Variants in ZBTB20 observed in about 807,000 individuals in gnomAD.
ZBTB20 encodes the protein zinc finger and BTB domain-containing protein 20.
A neutral mutation model predicts 56.9 loss-of-function variants in ZBTB20; 9 were observed. The observed-to-expected ratio is 0.16, with a 90% CI of 0.10 to 0.28. The LOEUF (loss-of-function observed/expected upper bound fraction) is 0.28. ZBTB20 is among the 10% of genes least tolerant of loss of function. ZBTB20 has a pLI of 1.00. For missense variants in ZBTB20, 655 were observed against 1,003.0 expected, an observed-to-expected ratio of 0.65 and a Z score of 4.69; for synonymous variants, 417 against 420.7, an observed-to-expected ratio of 0.99 and a Z score of 0.11.
At chr3:114,545,416 G>A (rs902877241) in intron 6 of ZBTB20, among the ~76,000 whole-genome samples, 1 of 152,060 alleles carries the variant, frequency 6.6e-6, no homozygotes, top group Non-Finnish European at 1.5e-5. Flanking sequence ...AAGGCATCAG[G>A]GTGCGAGGAT....
intron 4 of ZBTB20, among the ~76,000 whole-genome samples, chr3:114,857,258 C>T (rs1364377951): frequency 6.6e-6 from 1 of 152,162 alleles, no homozygotes; most frequent in African/African-American, 2.4e-5. Flanking sequence ...TCACCTTTCT[C>T]ATCTTTCCAA....
At chr3:114,480,654 T>C (rs1482289068) in intron 7 of ZBTB20, among the ~76,000 whole-genome samples, 3 of 152,212 alleles carry the variant, frequency 2.0e-5, no homozygotes, top group Non-Finnish European at 1.5e-5. Context: ...AAAGACCTTT[T>C]ACCTCAGTTG....
intron 5 of ZBTB20, among the ~76,000 whole-genome samples, chr3:114,734,252 C>G (rs896866540): frequency 6.6e-6 from 1 of 151,422 alleles, no homozygotes; most frequent in Non-Finnish European, 1.5e-5. Context: ...AAATGACATG[C>G]AAATTTAAAT....
intron 2 of ZBTB20, among the ~76,000 whole-genome samples, chr3:114,987,000 T>C (rs2078574480): frequency 6.6e-6 from 1 of 152,154 alleles, no homozygotes; most frequent in Non-Finnish European, 1.5e-5. Context: ...AGCTATAGTG[T>C]CAAAATATTT....
intron 6 of ZBTB20, among the ~76,000 whole-genome samples, chr3:114,599,023 T>C (rs1052902189): frequency 2.6e-5 from 4 of 152,124 alleles, no homozygotes; most frequent in African/African-American, 4.8e-5. Context: ...TATACCTTCT[T>C]AGACACCTTC....
At chr3:114,977,663 T>C (rs2078158696) in intron 2 of ZBTB20, among the ~76,000 whole-genome samples, 1 of 152,134 alleles carries the variant, frequency 6.6e-6, no homozygotes, top group African/African-American at 2.4e-5. Flanking sequence ...AAACTCAATA[T>C]AATATATAAA....
At chr3:115,123,352 T>C (rs2084236547) in intron 1 of ZBTB20, among the ~76,000 whole-genome samples, 1 of 152,192 alleles carries the variant, frequency 6.6e-6, no homozygotes, top group South Asian at 2.1e-4. Flanking sequence ...TTCTAATGTA[T>C]GAATTATTAC....
chr3:115,006,333 T>C (rs914708686), intron 2 of ZBTB20, among the ~76,000 whole-genome samples: 1 of 151,820 alleles, frequency 6.6e-6, no homozygotes, highest in Non-Finnish European at 1.5e-5. Flanking sequence ...TTTTATTTAC[T>C]ACCCTCATAT....
At chr3:114,988,865 T>C (rs1376694690) in intron 2 of ZBTB20, among the ~76,000 whole-genome samples, 5 of 152,248 alleles carry the variant, frequency 3.3e-5, no homozygotes, top group Non-Finnish European at 7.3e-5. Context: ...TGATGAGCAT[T>C]TTTTCATGTC....
At chr3:114,633,302 T>A (rs897874292) in intron 6 of ZBTB20, among the ~76,000 whole-genome samples, 1 of 152,114 alleles carries the variant, frequency 6.6e-6, no homozygotes. Flanking sequence ...AGTCCCCAAG[T>A]TTTTTCAACT....
At chr3:114,406,653 A>T (rs1483094978) in intron 7 of ZBTB20, among the ~76,000 whole-genome samples, 48 of 152,166 alleles carry the variant, frequency 3.2e-4, no homozygotes, top group Non-Finnish European at 2.9e-5. Flanking sequence ...ATATTCAAGA[A>T]TAAACATCCT....
chr3:114,933,965 A>G (rs147989824), intron 3 of ZBTB20, among the ~76,000 whole-genome samples: 1 of 152,200 alleles, frequency 6.6e-6, no homozygotes, highest in Non-Finnish European at 1.5e-5. Context: ...ATTGCACTGC[A>G]TTCAGAATCA....
intron 7 of ZBTB20, among the ~76,000 whole-genome samples, chr3:114,489,889 C>T (rs1428512001): frequency 6.6e-6 from 1 of 152,172 alleles, no homozygotes; most frequent in East Asian, 1.9e-4. Context: ...GCCACCACCT[C>T]TTTCTAAGCT....
intron 7 of ZBTB20, among the ~76,000 whole-genome samples, chr3:114,459,193 C>T (rs1286343795): frequency 6.6e-6 from 1 of 152,158 alleles, no homozygotes; most frequent in Non-Finnish European, 1.5e-5. Context: ...CTTTCAAGCA[C>T]CTTTTTTTCT....
At chr3:114,739,508 C>T (rs188598215) in intron 5 of ZBTB20, among the ~76,000 whole-genome samples, 1 of 152,302 alleles carries the variant, frequency 6.6e-6, no homozygotes, top group East Asian at 1.9e-4. Flanking sequence ...TGTGGTCAAC[C>T]TGTGCAAAAC....
At chr3:114,590,105 AT>A (rs1026245814) in intron 6 of ZBTB20, among the ~76,000 whole-genome samples, 1 of 152,150 alleles carries the variant, frequency 6.6e-6, no homozygotes, top group Admixed American at 6.6e-5. Flanking sequence ...TCTACTGCAT[AT>A]TTTTTTAACA....
At chr3:114,763,021 T>C (rs1388134689) in intron 5 of ZBTB20, among the ~76,000 whole-genome samples, 1 of 152,206 alleles carries the variant, frequency 6.6e-6, no homozygotes, top group African/African-American at 2.4e-5. Flanking sequence ...TAAACTTATA[T>C]ATTTTCACAT....
intron 7 of ZBTB20, among the ~76,000 whole-genome samples, chr3:114,434,997 G>T (rs2090418952): frequency 6.6e-6 from 1 of 152,086 alleles, no homozygotes; most frequent in Non-Finnish European, 1.5e-5. Context: ...CACACAACTT[G>T]GGACTGTGTT....
In ZBTB20 at chr3:114,778,288, T is replaced by TA. The variant is rs1578827192; in HGVS notation, c.-343+22812_-343+22813insT. ...TAATAATAATAATAATAATACACAT[T>TA]CAAAAAAAAAAGATCACACCGTTGC... On this transcript the variant is annotated intron_variant, in intron 5 of 11. Transcript: ENST00000675478. Among the ~76,000 whole-genome samples, 14 of 4,612 alleles carry TA rather than the reference T, an allele frequency of 3.0e-3. No homozygotes were observed. The Admixed American group carries it at 0.039, about 13-fold the overall frequency. The allele number at this position is 4,612 out of a possible 152,430, so 3.0% of individuals were successfully genotyped here.
Sources: allele counts gnomAD v4.1 joint callset (sites outside exome capture counted in the v4.1 genomes callset), GRCh38; gene constraint gnomAD v4.1.1; transcripts MANE v1.5; gene names NCBI Gene and HGNC (gene_info 2026-07-23, HGNC 2026-07-21).